Variants in TBC1D16 observed in about 807,000 individuals in gnomAD.
TBC1D16 encodes the protein TBC1 domain family member 16.
A neutral mutation model predicts 74.7 loss-of-function variants in TBC1D16; 58 were observed. The observed-to-expected ratio is 0.78, with a 90% confidence interval of 0.63 to 0.97. The LOEUF is 0.97. Ranked by LOEUF, TBC1D16 falls within the 50% of genes least tolerant of loss-of-function variation. The pLI is 0.00. For missense variants in TBC1D16, 1,014 were observed against 1,079.5 expected, an observed-to-expected ratio of 0.94 and a Z score of 0.85; for synonymous variants, 493 against 474.7, an observed-to-expected ratio of 1.04 and a Z score of -0.50.
rs2035159198 is a variant in TBC1D16, at chr17:79,993,683, CA to C, written c.779+16476del. The C allele has an allele frequency of 6.6e-6, 1 of 152,254 alleles. No homozygotes were observed. The highest frequency in any genetic ancestry group is 2.1e-4 in the South Asian group (1 of 4,824). 9.4% of individuals were successfully genotyped at this position (152,254 alleles called of 1,614,324 possible). A position where few individuals can be genotyped will look rare whatever the true frequency, so the allele number is the denominator to read the frequency against. ...CCCCAGAGGTACGGTGTGAGCTCCCCAACTCACCGGGAGACAGGCGCTGCCA... is the reference window on the plus strand; with the variant it reads ...CCCCAGAGGTACGGTGTGAGCTCCCCACTCACCGGGAGACAGGCGCTGCCA... On this transcript the variant is annotated intron_variant, in intron 3 of 11. Coordinates refer to ENST00000310924, the MANE Select transcript of TBC1D16 (RefSeq NM_019020.4). The surrounding 1 kb of genome is among the most constrained non-coding windows in gnomAD (Gnocchi z 5.1).
Position 79,993,102 on chromosome 17 carries a change from G to A in TBC1D16, c.779+17058C>T, listed in dbSNP as rs1013353758. ...AGTCTATGGGGTGGGGAGCACTAGC[G>A]CCAGCCCCATTGTGCAGAGGGGAAA... On this transcript the variant is annotated intron_variant, in intron 3 of 11. Coordinates refer to ENST00000310924, the MANE Select transcript of TBC1D16 (RefSeq NM_019020.4). This position sits in a 1 kb window ranked among gnomAD's most constrained non-coding sequence, Gnocchi z 5.1. Among the ~76,000 whole-genome samples the A allele has an allele frequency of 2.6e-5, 4 of 152,140 alleles. No individual in the cohort carries two copies. Among genetic ancestry groups the A allele is most frequent in the South Asian group, 2.1e-4 (1 of 4,832 alleles).
rs764110067 is a variant in TBC1D16 at position 79,949,824 on chromosome 17, C to G, written c.1299G>C (p.Glu433Asp). ...AATAGCGCAGCAGGAAGGGCCAGACCTCCCCGCGGATTGACACATCAATAC... is the reference window on the plus strand; with the variant it reads ...AATAGCGCAGCAGGAAGGGCCAGACGTCCCCGCGGATTGACACATCAATAC... ...FGGIDVSIRG[E>D]VWPFLLRYYS... is the part of the protein sequence containing the mutation. The change falls in exon 7 of 12, where the codon GAG becomes GAC. Residue 433 changes from glutamate (E) to aspartate (D), a missense_variant. Glu to Asp is a conservative substitution (Grantham distance 45). Coordinates refer to ENST00000310924, the MANE Select transcript of TBC1D16 (RefSeq NM_019020.4). 6 of 1,613,792 alleles carry G rather than the reference C, an allele frequency of 3.7e-6. No individual in the cohort carries two copies. Among genetic ancestry groups the G allele is most frequent in the Middle Eastern group, 3.3e-4 (2 of 6,060 alleles).
chr17:79,989,999 T>C (rs1222108702), intron 3 of TBC1D16, among the ~76,000 whole-genome samples: 2 of 152,106 alleles, frequency 1.3e-5, no homozygotes, highest in East Asian at 3.9e-4. Flanking sequence ...TGCGCTCAGA[T>C]TTCCCAGTTC....
chr17:80,010,369 G>A lies in TBC1D16; in HGVS notation c.570C>T (p.Val190=), dbSNP rs35393459. 8,381 of 1,612,206 alleles carry A rather than the reference G, an allele frequency of 5.2e-3. 387 individuals are homozygous for A. In the African/African-American group the frequency reaches 0.1, roughly 19 times the overall value. ...ACSPSGILST[V]SPQDVTEEGR... Reference sequence around the variant, plus strand: ...CCTCCTCGGTGACATCCTGCGGACTGACCGTCGACAAGATCCCGGAGGGGC... The same window carrying A: ...CCTCCTCGGTGACATCCTGCGGACTAACCGTCGACAAGATCCCGGAGGGGC... Residue 190 remains valine (V), a synonymous_variant, in exon 3 of 12, where the codon GTC becomes GTT. Transcript: ENST00000310924. The surrounding 1 kb of genome is among the most constrained non-coding windows in gnomAD (Gnocchi z 8.8).
At chr17:79,960,949 C>CA (rs2033589959) in intron 3 of TBC1D16, among the ~76,000 whole-genome samples, 1 of 152,122 alleles carries the variant, frequency 6.6e-6, no homozygotes, top group African/African-American at 2.4e-5. Flanking sequence ...CACACCCCTA[C>CA]CATATGACTC....
Position 80,010,532 on chromosome 17 carries a change from G to A in TBC1D16, c.407C>T (p.Pro136Leu), listed in dbSNP as rs1276395928. The change falls in exon 3 of 12, where the codon CCC (proline) becomes CTC (leucine). Residue 136 changes from proline to leucine, a missense_variant. By Grantham distance (98) the Pro-to-Leu change is moderately conservative. Coordinates refer to ENST00000310924, the MANE Select transcript of TBC1D16 (RefSeq NM_019020.4). This position sits in a 1 kb window ranked among gnomAD's most constrained non-coding sequence, Gnocchi z 8.8. ...CACCACCAGGATGTCCTCATCTTTGGGGGTCAGGGTAGGCCGCAGCTCCGT... is the reference window on the plus strand; with the variant it reads ...CACCACCAGGATGTCCTCATCTTTGAGGGTCAGGGTAGGCCGCAGCTCCGT... The part of the protein sequence containing the change: ...SPTELRPTLT[P>L]KDEDILVVAQ... 1.9e-6 allele frequency: 3 copies of A among 1,610,990 alleles called. No homozygotes were observed. Among genetic ancestry groups the A allele is most frequent in the South Asian group, 1.1e-5 (1 of 90,608 alleles).
At position 79,951,410 on chromosome 17, in the gene TBC1D16, T is replaced by C. The variant is rs369651559; in HGVS notation, c.1089+40A>G. ...GATGGGGCCCGTGGGGGGTGGGGAG[T>C]GTCAACCGCTGGGCATTCTGGGGCC... On this transcript the variant is annotated intron_variant, in intron 5 of 11. Transcript: ENST00000310924. 1.1e-5 allele frequency: 17 copies of C among 1,591,112 alleles called. No individual in the cohort carries two copies. In the African/African-American group the frequency reaches 1.9e-4, roughly 18 times the overall value.
rs2036974237 is a variant in TBC1D16 at position 80,035,690 on chromosome 17, C to G, written c.-63+105G>C. The G allele has an allele frequency of 6.8e-6, 1 of 148,132 alleles. No homozygotes were observed. The highest frequency in any genetic ancestry group is 1.5e-5 in the Non-Finnish European group (1 of 66,500). 9.2% of individuals were successfully genotyped at this position (148,132 alleles called of 1,614,324 possible). On this transcript the variant is annotated intron_variant, in intron 1 of 11. Transcript: ENST00000310924. The surrounding 1 kb of genome is among the most constrained non-coding windows in gnomAD (Gnocchi z 5.3). ...CGGCTGCAGGCCCACGCGCCCCACG[C>G]GCCCCGCGCGCCCCCGCCCCAGCTC...
rs1170628193 is a variant in TBC1D16, at chr17:79,950,799, G to A, written c.1090-221C>T. 2.0e-6 allele frequency: 3 copies of A among 1,535,832 alleles called. No individual in the cohort carries two copies. The highest frequency in any genetic ancestry group is 1.2e-5 in the South Asian group (1 of 84,034). ...TTCCCTCTGCGGCTCTCTCCTCCCC[G>A]GCCCACTGTGCCGCCGCCCCCCACT... On this transcript the variant is annotated intron_variant, in intron 5 of 11. Transcript: ENST00000310924. The surrounding 1 kb of genome is among the most constrained non-coding windows in gnomAD (Gnocchi z 4.6).
chr17:80,031,734 G>A (rs904959983), intron 1 of TBC1D16, among the ~76,000 whole-genome samples: 11 of 152,184 alleles, frequency 7.2e-5, no homozygotes, highest in Non-Finnish European at 2.9e-5. Flanking sequence ...CAACTCAGAG[G>A]TGAGCCTGGA....
intron 10 of TBC1D16, among the ~76,000 whole-genome samples, chr17:79,943,009 G>A (rs1015940145): frequency 2.0e-5 from 3 of 152,238 alleles, no homozygotes; most frequent in Admixed American, 6.5e-5. Flanking sequence ...TGATGCACAC[G>A]CGCTTCCGGA....
At chr17:79,999,255 C>CA (rs551959216) in intron 3 of TBC1D16, among the ~76,000 whole-genome samples, 1,762 of 131,006 alleles carry the variant, frequency 0.013, 15 homozygotes, top group Middle Eastern at 0.047. Context: ...GACACTGTCT[C>CA]AAAAAAAAAA....
At chr17:79,960,975 G>C (rs1031291246) in intron 3 of TBC1D16, among the ~76,000 whole-genome samples, 1 of 151,886 alleles carries the variant, frequency 6.6e-6, no homozygotes. Flanking sequence ...TGCCCCCTAG[G>C]TATTTACCCA....
Position 79,940,221 on chromosome 17 carries a change from C to T in TBC1D16, c.*638G>A, listed in dbSNP as rs2031863252. ...GGATAAACATTACAAGCGCCAGCTC[C>T]TCAAGCCTGACTGCTCTTCCGCCTC... On this transcript the variant is annotated 3_prime_UTR_variant, in exon 12 of 12. Coordinates refer to ENST00000310924, the MANE Select transcript of TBC1D16 (RefSeq NM_019020.4). This position sits in a 1 kb window ranked among gnomAD's most constrained non-coding sequence, Gnocchi z 5.4. The T allele has an allele frequency of 1.3e-5, 2 of 152,248 alleles. No homozygotes were observed. The highest frequency in any genetic ancestry group is 1.3e-4 in the Admixed American group (2 of 15,290). The allele number at this position is 152,248 out of a possible 1,614,324, so 9.4% of individuals were successfully genotyped here.
In TBC1D16 at chr17:79,936,759, C is replaced by T. The variant is rs1378588002; in HGVS notation, c.*4100G>A. ...ACGGCCGTGCAGCCTGGCTTAGAAA[C>T]AAGGGACGAAGTGGATCCTGAGGCT... is the stretch of plus-strand genomic sequence containing the variant. On this transcript the variant is annotated 3_prime_UTR_variant, in exon 12 of 12. Transcript: ENST00000310924. 1 of 152,240 alleles carries T rather than the reference C, an allele frequency of 6.6e-6. No homozygotes were observed. Among genetic ancestry groups the T allele is most frequent in the Non-Finnish European group, 1.5e-5 (1 of 68,084 alleles). The allele number at this position is 152,240 out of a possible 1,614,324, so 9.4% of individuals were successfully genotyped here.
chr17:80,001,489 C>T lies in TBC1D16; in HGVS notation c.779+8671G>A, dbSNP rs1476570448. ...CCCGGCTGCCAGGCTGCGCTGGGCC[C>T]GGAGGGGTGGGCGGGGGTTCCTGGA... On this transcript the variant is annotated intron_variant, in intron 3 of 11. Transcript: ENST00000310924. The surrounding 1 kb of genome is among the most constrained non-coding windows in gnomAD (Gnocchi z 5.8). Among the ~76,000 whole-genome samples the T allele has an allele frequency of 5.4e-5, 8 of 149,446 alleles. No homozygotes were observed. The highest frequency in any genetic ancestry group is 2.3e-4 in the South Asian group (1 of 4,438).
In TBC1D16 at chr17:79,937,646, C is replaced by T. The variant is rs56050774; in HGVS notation, c.*3213G>A. Reference sequence around the variant, plus strand: ...CTTGTGAGTTCTGAGTCCTCAGGGCCGAGACTTGAGTCAGAACCTTCTGGA... The same window carrying T: ...CTTGTGAGTTCTGAGTCCTCAGGGCTGAGACTTGAGTCAGAACCTTCTGGA... On this transcript the variant is annotated 3_prime_UTR_variant, in exon 12 of 12. Transcript: ENST00000310924. The T allele has an allele frequency of 0.11, 16,554 of 152,300 alleles. 943 individuals carry two copies. Among genetic ancestry groups the T allele is most frequent in the African/African-American group, 0.13 (5,378 of 41,540 alleles). The allele number at this position is 152,300 out of a possible 1,614,324, so 9.4% of individuals were successfully genotyped here. A position where few individuals can be genotyped will look rare whatever the true frequency, so the allele number is the denominator to read the frequency against.
intron 3 of TBC1D16, among the ~76,000 whole-genome samples, chr17:79,960,779 C>CAAAAAAAAAAAAAAACAAAAAAAAAAA (rs2033560938): frequency 1.2e-4 from 4 of 33,948 alleles, no homozygotes; most frequent in Non-Finnish European, 2.2e-4. Flanking sequence ...AACAAAAACC[C>CAAAAAAAAAAAAAAACAAAAAAAAAAA]AAAAAAAAAA....
At chr17:79,972,332 A>T (rs2144117993) in intron 3 of TBC1D16, among the ~76,000 whole-genome samples, 1 of 152,126 alleles carries the variant, frequency 6.6e-6, no homozygotes, top group South Asian at 2.1e-4. Context: ...GTGTACTACC[A>T]CACCTGGCTA....
Sources: allele counts gnomAD v4.1 joint callset (sites outside exome capture counted in the v4.1 genomes callset), GRCh38; gene constraint gnomAD v4.1.1; non-coding constraint Gnocchi (gnomAD v3.1); transcripts MANE v1.5; gene names NCBI Gene and HGNC (gene_info 2026-07-23, HGNC 2026-07-21).